Variants in CLSTN2 observed in about 807,000 individuals in gnomAD.
CLSTN2 encodes calsyntenin 2, also known as calsyntenin-2.
CLSTN2 carries 48 observed loss-of-function variants against 101.2 expected under a neutral mutation model. The observed-to-expected ratio is 0.47, with a 90% CI of 0.38 to 0.60. CLSTN2 has a LOEUF of 0.60. Ranked by LOEUF, CLSTN2 falls within the 20% of genes least tolerant of loss-of-function variation. The pLI is 0.00. For missense variants in CLSTN2, 1,160 were observed against 1,238.2 expected, an observed-to-expected ratio of 0.94 and a Z score of 0.95; for synonymous variants, 481 against 463.6, an observed-to-expected ratio of 1.04 and a Z score of -0.48.
intron 1 of CLSTN2, among the ~76,000 whole-genome samples, chr3:140,044,866 C>T (rs1376218401): frequency 6.6e-6 from 1 of 152,162 alleles, no homozygotes; most frequent in Non-Finnish European, 1.5e-5. Flanking sequence ...AGCCTTGCAT[C>T]CCAGGGATGA....
chr3:140,289,925 T>C (rs2086932902), intron 2 of CLSTN2, among the ~76,000 whole-genome samples: 1 of 151,076 alleles, frequency 6.6e-6, no homozygotes, highest in Non-Finnish European at 1.5e-5. Context: ...TCAGGTGAAA[T>C]TCTGTTTTCA....
chr3:140,294,740 CCAT>C (rs1252794629), intron 2 of CLSTN2, among the ~76,000 whole-genome samples: 1 of 152,110 alleles, frequency 6.6e-6, no homozygotes, highest in African/African-American at 2.4e-5. Flanking sequence ...TAACAAAGTA[CCAT>C]AGACTGGGTG....
intron 8 of CLSTN2, among the ~76,000 whole-genome samples, chr3:140,482,674 G>T (rs1934146551): frequency 6.6e-6 from 1 of 152,010 alleles, no homozygotes; most frequent in Non-Finnish European, 1.5e-5. Context: ...GTCTTGGGAG[G>T]GTGCATATGT....
chr3:140,323,370 G>T (rs2087302845), intron 2 of CLSTN2, among the ~76,000 whole-genome samples: 1 of 152,206 alleles, frequency 6.6e-6, no homozygotes, highest in South Asian at 2.1e-4. Context: ...TTATACAAGG[G>T]AAGATAAAAT....
At chr3:140,457,391 C>A (rs10212231) in intron 6 of CLSTN2, among the ~76,000 whole-genome samples, 2 of 152,060 alleles carry the variant, frequency 1.3e-5, no homozygotes, top group Non-Finnish European at 2.9e-5. Context: ...GTCAAAGAAA[C>A]TATTGCCATG....
chr3:139,972,302 G>A (rs1482402679), intron 1 of CLSTN2, among the ~76,000 whole-genome samples: 1 of 152,036 alleles, frequency 6.6e-6, no homozygotes, highest in Non-Finnish European at 1.5e-5. Context: ...GGGGGTGTGG[G>A]TTTTACAATT....
chr3:140,363,677 C>T (rs1470359831), intron 2 of CLSTN2, among the ~76,000 whole-genome samples: 1 of 152,148 alleles, frequency 6.6e-6, no homozygotes, highest in Non-Finnish European at 1.5e-5. Context: ...CGGGTTCCTT[C>T]CCAAAGAGGT....
chr3:140,073,791 G>A (rs1431335417), intron 1 of CLSTN2, among the ~76,000 whole-genome samples: 4 of 152,228 alleles, frequency 2.6e-5, no homozygotes, highest in South Asian at 2.1e-4. Context: ...TTTAACTGTG[G>A]TTATTTACAG....
chr3:140,370,060 C>T (rs963503605), intron 2 of CLSTN2, among the ~76,000 whole-genome samples: 2 of 152,230 alleles, frequency 1.3e-5, no homozygotes, highest in South Asian at 4.1e-4. Context: ...GAAAAACACT[C>T]CATTAGTCAT....
rs1935864510 is a variant in CLSTN2 at position 139,978,698 on chromosome 3, G to A, written c.109+43215G>A. ...TGTGTGTGTGTGTGTGTGTGTGTGTGTGTGTTGTGTGGAAGGGAGAGGGAA... is the reference window on the plus strand; with the variant it reads ...TGTGTGTGTGTGTGTGTGTGTGTGTATGTGTTGTGTGGAAGGGAGAGGGAA... On this transcript the variant is annotated intron_variant, in intron 1 of 16. Coordinates refer to ENST00000458420, the MANE Select transcript of CLSTN2 (RefSeq NM_022131.3). Among the ~76,000 whole-genome samples the A allele has an allele frequency of 4.6e-5, 5 of 108,472 alleles. No homozygotes were observed. In the South Asian group the frequency reaches 1.5e-3, roughly 32 times the overall value. 71.2% of individuals were successfully genotyped at this position (108,472 alleles called of 152,430 possible). A position where few individuals can be genotyped will look rare whatever the true frequency, so the allele number is the denominator to read the frequency against.
intron 5 of CLSTN2, among the ~76,000 whole-genome samples, chr3:140,440,757 T>A (rs1227241858): frequency 6.6e-6 from 1 of 152,224 alleles, no homozygotes; most frequent in East Asian, 1.9e-4. Flanking sequence ...CTCTGTGGAC[T>A]CCTTTGGGGC....
At chr3:140,031,757 C>G (rs2007555384) in intron 1 of CLSTN2, among the ~76,000 whole-genome samples, 1 of 152,192 alleles carries the variant, frequency 6.6e-6, no homozygotes, top group African/African-American at 2.4e-5. Flanking sequence ...GGGTCCCCAA[C>G]TGCTATAAAT....
intron 1 of CLSTN2, among the ~76,000 whole-genome samples, chr3:140,056,961 C>G (rs1229664060): frequency 6.6e-6 from 1 of 152,176 alleles, no homozygotes; most frequent in Non-Finnish European, 1.5e-5. Context: ...ACTTGTGAAT[C>G]TCCCTTGCTA....
At chr3:140,243,654 A>G (rs2086490203) in intron 2 of CLSTN2, among the ~76,000 whole-genome samples, 1 of 152,194 alleles carries the variant, frequency 6.6e-6, no homozygotes, top group African/African-American at 2.4e-5. Context: ...GAAAACTTGG[A>G]CACTCTAGAC....
At chr3:140,305,492 C>T (rs998957767) in intron 2 of CLSTN2, among the ~76,000 whole-genome samples, 5 of 152,138 alleles carry the variant, frequency 3.3e-5, no homozygotes, top group Non-Finnish European at 7.3e-5. Flanking sequence ...ATCACCTCAG[C>T]AAGGTCAGAC....
At chr3:140,116,703 C>G (rs555661889) in intron 1 of CLSTN2, among the ~76,000 whole-genome samples, 12 of 152,186 alleles carry the variant, frequency 7.9e-5, no homozygotes, top group African/African-American at 2.9e-4. Flanking sequence ...TCACCATATC[C>G]CTATATTACC....
At chr3:140,498,574 T>A (rs1413047859) in intron 8 of CLSTN2, among the ~76,000 whole-genome samples, 2 of 152,256 alleles carry the variant, frequency 1.3e-5, no homozygotes, top group East Asian at 3.8e-4. Context: ...AGAAATCTTG[T>A]ATTGATTTTA....
At chr3:140,306,852 TTA>T (rs1559834406) in intron 2 of CLSTN2, among the ~76,000 whole-genome samples, 70 of 52,502 alleles carry the variant, frequency 1.3e-3, no homozygotes, top group African/African-American at 4.5e-3. Context: ...TGTCTTTTTA[TTA>T]TTATTATTAT....
At chr3:140,526,649 A>C (rs1219512637) in intron 8 of CLSTN2, among the ~76,000 whole-genome samples, 5 of 151,358 alleles carry the variant, frequency 3.3e-5, no homozygotes, top group African/African-American at 1.2e-4. Context: ...ACAACAAAAA[A>C]AAAACTGGAG....
Sources: gnomAD v4.1 joint callset for allele counts (sites outside exome capture counted in the v4.1 genomes callset) on GRCh38, gnomAD v4.1.1 for gene constraint, MANE v1.5 for transcripts, NCBI Gene and HGNC (gene_info 2026-07-23, HGNC 2026-07-21) for gene names.